The following CNTNAP2 variants were observed in gnomAD, a reference collection of about 807,000 sequenced individuals.
The protein encoded by CNTNAP2 is contactin-associated protein-like 2.
CNTNAP2 carries 98 observed loss-of-function variants against 155.2 expected under a neutral mutation model. That is an observed-to-expected ratio of 0.63 (90% CI 0.54 to 0.75). The LOEUF is 0.75. CNTNAP2 is among the 30% of genes least tolerant of loss of function. CNTNAP2 has a pLI of 0.00. For synonymous variants in CNTNAP2, 651 were observed against 631.2 expected, an observed-to-expected ratio of 1.03 and a Z score of -0.47; for missense variants, 1,727 against 1,688.1, an observed-to-expected ratio of 1.02 and a Z score of -0.40.
chr7:148,024,455 T>C (rs1008898273), intron 15 of CNTNAP2, among the ~76,000 whole-genome samples: 1 of 152,186 alleles, frequency 6.6e-6, no homozygotes, highest in African/African-American at 2.4e-5. Context: ...TGTTTCAGCC[T>C]TGGGGGCTTC....
intron 21 of CNTNAP2, among the ~76,000 whole-genome samples, chr7:148,284,268 G>T (rs1374982530): frequency 6.6e-6 from 1 of 152,064 alleles, no homozygotes; most frequent in Non-Finnish European, 1.5e-5. Context: ...TGAATCATGG[G>T]GGGGTTTCCC....
chr7:148,162,750 C>T (rs988279781), intron 17 of CNTNAP2, among the ~76,000 whole-genome samples: 4 of 152,194 alleles, frequency 2.6e-5, no homozygotes, highest in Non-Finnish European at 4.4e-5. Flanking sequence ...GATCCTAACA[C>T]TTTTGGAGGC....
intron 15 of CNTNAP2, among the ~76,000 whole-genome samples, chr7:148,081,830 A>C (rs1381866751): frequency 6.6e-6 from 1 of 152,050 alleles, no homozygotes; most frequent in Non-Finnish European, 1.5e-5. Context: ...ATTTGGGAAG[A>C]CTTCATGGCA....
chr7:146,586,442 A>T (rs1198940795), intron 1 of CNTNAP2, among the ~76,000 whole-genome samples: 1 of 152,166 alleles, frequency 6.6e-6, no homozygotes, highest in Non-Finnish European at 1.5e-5. Context: ...TATAGAGCCT[A>T]CAGCTGACTC....
At chr7:146,929,609 G>GAGAATA (rs1796699249) in intron 3 of CNTNAP2, among the ~76,000 whole-genome samples, 2 of 152,206 alleles carry the variant, frequency 1.3e-5, no homozygotes, top group Non-Finnish European at 2.9e-5. Flanking sequence ...GACGAGTTGA[G>GAGAATA]AGAATAAGGC....
chr7:147,002,944 CAAAAAAAA>C lies in CNTNAP2; in HGVS notation c.403-40947_403-40940del, dbSNP rs773401142. Among the ~76,000 whole-genome samples the C allele has an allele frequency of 3.8e-3, 200 of 52,944 alleles. 1 individual carries two copies. Among genetic ancestry groups the C allele is most frequent in the East Asian group, 0.028 (52 of 1,876 alleles). 34.7% of individuals were successfully genotyped at this position (52,944 alleles called of 152,430 possible). A position where few individuals can be genotyped will look rare whatever the true frequency, so the allele number is the denominator to read the frequency against. On this transcript the variant is annotated intron_variant, in intron 3 of 23. Transcript: ENST00000361727. ...CAGAACATAGCAAGGATGTTCCTTC[CAAAAAAAA>C]AAAAAAAAAAAAAAAGAAGAAGCAG...
chr7:146,586,641 G>T (rs1798696590), intron 1 of CNTNAP2, among the ~76,000 whole-genome samples: 1 of 152,020 alleles, frequency 6.6e-6, no homozygotes, highest in Non-Finnish European at 1.5e-5. Context: ...GCACACATAT[G>T]TATTAACTAA....
chr7:148,041,380 C>A (rs1367974414), intron 15 of CNTNAP2, among the ~76,000 whole-genome samples: 1 of 152,200 alleles, frequency 6.6e-6, no homozygotes, highest in Non-Finnish European at 1.5e-5. Flanking sequence ...AAATAAGTTA[C>A]TGGGTTTTGT....
intron 15 of CNTNAP2, among the ~76,000 whole-genome samples, chr7:148,106,627 C>T (rs1435682747): frequency 6.6e-6 from 1 of 151,670 alleles, no homozygotes; most frequent in Non-Finnish European, 1.5e-5. Flanking sequence ...TCCCAAAGTG[C>T]TGGGATTATA....
At chr7:146,592,173 C>G (rs913430783) in intron 1 of CNTNAP2, among the ~76,000 whole-genome samples, 1 of 152,156 alleles carries the variant, frequency 6.6e-6, no homozygotes, top group Non-Finnish European at 1.5e-5. Flanking sequence ...TGGAAAATCT[C>G]TGTGGCTTGG....
At chr7:147,032,678 A>G (rs1002922272) in intron 3 of CNTNAP2, among the ~76,000 whole-genome samples, 10 of 151,642 alleles carry the variant, frequency 6.6e-5, no homozygotes, top group Admixed American at 4.6e-4. Context: ...GGAAATAAAG[A>G]AGAAAAGAAA....
chr7:147,018,262 G>C (rs1798759886), intron 3 of CNTNAP2, among the ~76,000 whole-genome samples: 1 of 151,984 alleles, frequency 6.6e-6, no homozygotes, highest in South Asian at 2.1e-4. Context: ...CAGTCTGATA[G>C]AGAGCTGCAA....
chr7:147,551,293 C>A (rs755441594), intron 11 of CNTNAP2, among the ~76,000 whole-genome samples: 2 of 152,096 alleles, frequency 1.3e-5, no homozygotes, highest in Non-Finnish European at 2.9e-5. Context: ...CATTACAGTG[C>A]GAATAGTTTA....
At chr7:147,175,262 C>CTTT (rs56744213) in intron 8 of CNTNAP2, among the ~76,000 whole-genome samples, 40,905 of 151,554 alleles carry the variant, frequency 0.27, 5,656 homozygotes, top group Middle Eastern at 0.33. Flanking sequence ...CCCTTCTGCT[C>CTTT]TTTTTTTGTA....
chr7:147,606,451 T>C (rs920876842), intron 12 of CNTNAP2, among the ~76,000 whole-genome samples: 3 of 152,244 alleles, frequency 2.0e-5, no homozygotes, highest in African/African-American at 7.2e-5. Flanking sequence ...GCAAAAATGA[T>C]GATTTATCCT....
chr7:147,911,635 A>G (rs7782626), intron 14 of CNTNAP2, among the ~76,000 whole-genome samples: 2,373 of 152,278 alleles, frequency 0.016, 63 homozygotes, highest in African/African-American at 0.052. Context: ...ATTTCACACC[A>G]CCATCGTTCT....
chr7:148,313,528 G>T (rs1345715928), intron 21 of CNTNAP2, among the ~76,000 whole-genome samples: 1 of 152,146 alleles, frequency 6.6e-6, no homozygotes, highest in African/African-American at 2.4e-5. Flanking sequence ...GCTCCCGGGG[G>T]AGAAGGTTCT....
At chr7:146,937,750 A>G (rs1916946) in intron 3 of CNTNAP2, among the ~76,000 whole-genome samples, 56,001 of 151,988 alleles carry the variant, frequency 0.37, 10,839 homozygotes, top group Middle Eastern at 0.44. Flanking sequence ...ATGCCAACCT[A>G]AAATAATTAA....
chr7:147,719,858 C>A (rs1429474312), intron 13 of CNTNAP2, among the ~76,000 whole-genome samples: 3 of 152,072 alleles, frequency 2.0e-5, no homozygotes, highest in African/African-American at 7.2e-5. Flanking sequence ...TTTCCTTCAA[C>A]AGACAAGGTT....
Sources: allele counts gnomAD v4.1 joint callset (sites outside exome capture counted in the v4.1 genomes callset), GRCh38; gene constraint gnomAD v4.1.1; transcripts MANE v1.5; gene names NCBI Gene and HGNC (gene_info 2026-07-23, HGNC 2026-07-21).